MAPK10: variants seen among roughly 807,000 people sequenced by gnomAD.
MAPK10 encodes JNK3 alpha protein kinase.
MAPK10 carries 25 observed loss-of-function variants against 59.3 expected under a neutral mutation model. That is an observed-to-expected ratio of 0.42 (90% CI 0.31 to 0.59). MAPK10 has a LOEUF of 0.59. Ranked by LOEUF, MAPK10 falls within the 20% of genes least tolerant of loss-of-function variation. MAPK10 has a pLI of 0.15. For synonymous variants in MAPK10, 190 were observed against 200.5 expected (o/e 0.95, Z 0.44); for missense variants, 351 against 568.9 (o/e 0.62, Z 3.90).
chr4:86,519,109 C>G lies in MAPK10; in HGVS notation c.-263+74801G>C, dbSNP rs142973002. 6.6e-4 allele frequency among the ~76,000 whole-genome samples: 100 copies of G among 152,262 alleles called. 1 individual carries two copies. The East Asian group carries it at 0.016, about 25-fold the overall frequency. Reference sequence around the variant, plus strand: ...TTCTGCAGCTGTTGGGTAGAATGTTCTATAAATATCTGTTAAGTCCATTTA... The same window carrying G: ...TTCTGCAGCTGTTGGGTAGAATGTTGTATAAATATCTGTTAAGTCCATTTA... On this transcript the variant is annotated intron_variant, in intron 1 of 4. Coordinates refer to the MAPK10 transcript ENST00000502302.
At chr4:86,191,951 T>G (rs1456753693) in intron 3 of MAPK10, 5 of 152,162 alleles carry the variant, frequency 3.3e-5, no homozygotes, top group Non-Finnish European at 7.3e-5. Context: ...CAGGAGCTCT[T>G]GTAAGGCAGG....
chr4:86,434,097 A>G (rs1244230494), intron 1 of MAPK10, among the ~76,000 whole-genome samples: 1 of 152,232 alleles, frequency 6.6e-6, no homozygotes, highest in Non-Finnish European at 1.5e-5. Flanking sequence ...ATGAATCTAA[A>G]CAGAAAAGAA....
At chr4:86,454,012 A>G (rs1423628258), upstream of MAPK10, among the ~76,000 whole-genome samples, 1 of 152,180 alleles carries the variant, frequency 6.6e-6, no homozygotes, top group Non-Finnish European at 1.5e-5. Flanking sequence ...CAGAAGAGAG[A>G]TAACAATCAC....
chr4:86,033,620 A>G (rs1250945343), intron 11 of MAPK10, among the ~76,000 whole-genome samples: 1 of 152,224 alleles, frequency 6.6e-6, no homozygotes, highest in African/African-American at 2.4e-5. Context: ...ATAGACACTA[A>G]TCACAAACAA....
chr4:86,580,456 G>C (rs1762187783), intron 1 of MAPK10, among the ~76,000 whole-genome samples: 5 of 152,072 alleles, frequency 3.3e-5, no homozygotes, highest in Admixed American at 1.3e-4. Context: ...CTGAGATCAG[G>C]CCACTGCATT....
intron 1 of MAPK10, among the ~76,000 whole-genome samples, chr4:86,391,868 T>G (rs556873184): frequency 1.3e-5 from 2 of 152,180 alleles, no homozygotes; most frequent in East Asian, 3.9e-4. Context: ...TCAGGCCAAT[T>G]GCTTCAAGTA....
intron 2 of MAPK10, among the ~76,000 whole-genome samples, chr4:86,239,338 G>A (rs996415704): frequency 6.6e-6 from 1 of 152,148 alleles, no homozygotes; most frequent in African/African-American, 2.4e-5. Context: ...ACAGGTTTTG[G>A]TATCAGGATG....
chr4:86,178,872 C>T (rs2076267597), intron 3 of MAPK10, among the ~76,000 whole-genome samples: 3 of 152,096 alleles, frequency 2.0e-5, no homozygotes, highest in Non-Finnish European at 4.4e-5. Flanking sequence ...AAATCAGTAA[C>T]ATTTCTACAC....
At chr4:86,296,223 T>C (rs2095359184) in intron 2 of MAPK10, among the ~76,000 whole-genome samples, 1 of 152,044 alleles carries the variant, frequency 6.6e-6, no homozygotes, top group Non-Finnish European at 1.5e-5. Flanking sequence ...ATGCAAACTT[T>C]TTTTTGTTTT....
intron 3 of MAPK10, among the ~76,000 whole-genome samples, chr4:86,167,344 G>A (rs546415671): frequency 1.3e-5 from 2 of 152,310 alleles, no homozygotes; most frequent in African/African-American, 4.8e-5. Flanking sequence ...TTGAAAAGGA[G>A]GAACTTCCCT....
At position 86,012,429 on chromosome 4, in the gene MAPK10, A is replaced by G. The variant is rs1386909989; in HGVS notation, c.*4799T>C. The G allele has an allele frequency of 2.6e-5, 4 of 152,228 alleles. No individual in the cohort carries two copies. The highest frequency in any genetic ancestry group is 4.8e-5 in the African/African-American group (2 of 41,476). The allele number at this position is 152,228 out of a possible 1,614,324, so 9.4% of individuals were successfully genotyped here. ...CATGCAACTCAAGACAACGAGCAGC[A>G]TCATAACCATTGTCAACAGGCAAAC... On this transcript the variant is annotated 3_prime_UTR_variant, in exon 14 of 14. Coordinates refer to ENST00000641462, the MANE Select transcript of MAPK10 (RefSeq NM_138982.4).
chr4:86,399,812 G>A (rs915526799), intron 1 of MAPK10: 1 of 152,156 alleles, frequency 6.6e-6, no homozygotes, highest in Non-Finnish European at 1.5e-5. Context: ...TGAACCTAGT[G>A]CAAGGAGAAC....
intron 1 of MAPK10, among the ~76,000 whole-genome samples, chr4:86,584,304 C>T (rs186957176): frequency 1.4e-4 from 22 of 152,154 alleles, no homozygotes; most frequent in Admixed American, 1.2e-3. Flanking sequence ...CAGCAGCAGA[C>T]GTGTCAGGAA....
chr4:86,461,344 A>AG (rs1751725980), intron 1 of MAPK10, among the ~76,000 whole-genome samples: 1 of 152,154 alleles, frequency 6.6e-6, no homozygotes, highest in Admixed American at 6.5e-5. Flanking sequence ...CAGGGTCTGG[A>AG]GGGGCTCCAA....
At chr4:86,323,325 A>G (rs2095945047) in intron 2 of MAPK10, among the ~76,000 whole-genome samples, 1 of 152,226 alleles carries the variant, frequency 6.6e-6, no homozygotes, top group African/African-American at 2.4e-5. Context: ...AAATGTGGTC[A>G]CATTTTATTT....
At chr4:86,563,601 T>C (rs1337743206) in intron 1 of MAPK10, among the ~76,000 whole-genome samples, 1 of 152,202 alleles carries the variant, frequency 6.6e-6, no homozygotes, top group Non-Finnish European at 1.5e-5. Context: ...CCTTGGGAGA[T>C]ACATTCCAAG....
chr4:86,165,988 T>A (rs1230970413), intron 3 of MAPK10, among the ~76,000 whole-genome samples: 1 of 152,210 alleles, frequency 6.6e-6, no homozygotes, highest in Non-Finnish European at 1.5e-5. Flanking sequence ...GGAAAGCATA[T>A]AACAGTAATC....
chr4:86,429,167 A>G (rs1747701786), intron 1 of MAPK10, among the ~76,000 whole-genome samples: 2 of 152,122 alleles, frequency 1.3e-5, no homozygotes, highest in South Asian at 4.1e-4. Flanking sequence ...AGCACAATTG[A>G]ACACATAATT....
intron 1 of MAPK10, among the ~76,000 whole-genome samples, chr4:86,551,576 TTCTCTC>T (rs146552435): frequency 6.7e-6 from 1 of 149,132 alleles, no homozygotes; most frequent in Non-Finnish European, 1.5e-5. Context: ...CTCTCTTTCT[TTCTCTC>T]TCTCTCTCTC....
Sources: gnomAD v4.1 joint callset for allele counts (sites outside exome capture counted in the v4.1 genomes callset) on GRCh38, gnomAD v4.1.1 for gene constraint, MANE v1.5 for transcripts, NCBI Gene and HGNC (gene_info 2026-07-23, HGNC 2026-07-21) for gene names.